Variants in C2orf42 observed in about 807,000 individuals in gnomAD.
C2orf42 encodes the protein uncharacterized protein C2orf42.
C2orf42 carries 44 observed loss-of-function variants against 58.9 expected under a neutral mutation model. The ratio of observed to expected loss-of-function variants is 0.75; its 90% CI spans 0.59 to 0.96. The LOEUF (loss-of-function observed/expected upper bound fraction) is 0.96. Among genes scored for constraint, C2orf42 ranks in the 40% least tolerant of loss-of-function variants. C2orf42 has a pLI of 0.00. For missense variants in C2orf42, 630 were observed against 699.2 expected (o/e 0.90, Z 1.12); for synonymous variants, 239 against 265.4 (o/e 0.90, Z 0.97).
At chr2:70,183,041 A>G (rs1276727550) in intron 1 of C2orf42, 106 bp from the exon 2 acceptor site, 1 of 152,218 alleles carries the variant, frequency 6.6e-6, no homozygotes, top group African/African-American at 2.4e-5. Context: ...ATTACTTGAG[A>G]AATATTTGAC....
intron 1 of C2orf42, among the ~76,000 whole-genome samples, chr2:70,189,439 C>G (rs560735842): frequency 7.1e-6 from 1 of 140,206 alleles, no homozygotes; most frequent in African/African-American, 2.9e-5. Context: ...AAAAATGGGC[C>G]GGGCGCGGTG....
chr2:70,158,684 G>A (rs1235867673), intron 9 of C2orf42, among the ~76,000 whole-genome samples: 5 of 151,582 alleles, frequency 3.3e-5, no homozygotes, highest in Non-Finnish European at 5.9e-5. Flanking sequence ...TCCTGACCTC[G>A]TGATCTGCCC....
chr2:70,178,056 C>T (rs566899324), intron 4 of C2orf42, among the ~76,000 whole-genome samples: 2 of 152,088 alleles, frequency 1.3e-5, no homozygotes, highest in East Asian at 3.9e-4. Context: ...AACAAACAAA[C>T]AAACAAACAA....
intron 9 of C2orf42, among the ~76,000 whole-genome samples, chr2:70,156,281 C>T (rs1395010977): frequency 6.6e-6 from 1 of 151,886 alleles, no homozygotes; most frequent in African/African-American, 2.4e-5. Context: ...AGAGGATAGA[C>T]CATTAAAATT....
At position 70,175,791 on chromosome 2, in the gene C2orf42, C is replaced by T. The variant is rs1558676915; in HGVS notation, c.935-14G>A. ...TCATCTGTGCACCTAAACCACAAATCATTACAGGTTTAACAATGTATCTGC... is the reference window on the plus strand; with the variant it reads ...TCATCTGTGCACCTAAACCACAAATTATTACAGGTTTAACAATGTATCTGC... On this transcript the variant is annotated splice_polypyrimidine_tract_variant and intron_variant, in intron 4 of 9. Coordinates refer to ENST00000264434, the MANE Select transcript of C2orf42 (RefSeq NM_017880.3). 1 of 1,455,044 alleles carries T rather than the reference C, an allele frequency of 6.9e-7. No individual in the cohort carries two copies. The highest frequency in any genetic ancestry group is 1.1e-5 in the South Asian group (1 of 87,710). 90.1% of individuals were successfully genotyped at this position (1,455,044 alleles called of 1,614,324 possible).
intron 5 of C2orf42, among the ~76,000 whole-genome samples, chr2:70,173,552 A>G (rs939374039): frequency 1.3e-5 from 2 of 152,162 alleles, no homozygotes; most frequent in African/African-American, 4.8e-5. Context: ...GAGTGCTGGG[A>G]TCACAGGCGT....
At chr2:70,166,503 TAAA>T (rs758706026) in intron 6 of C2orf42, among the ~76,000 whole-genome samples, 9 of 93,108 alleles carry the variant, frequency 9.7e-5, no homozygotes, top group Admixed American at 8.8e-4. Context: ...CCATCTCTAC[TAAA>T]AAAAAAAAAA....
intron 6 of C2orf42, among the ~76,000 whole-genome samples, chr2:70,168,486 C>T (rs1673562942): frequency 6.6e-6 from 1 of 150,860 alleles, no homozygotes; most frequent in South Asian, 2.1e-4. Context: ...GATGGGGTTT[C>T]ACTGTGTTAG....
chr2:70,175,685 A>G lies in C2orf42; in HGVS notation c.1027T>C (p.Leu343=), dbSNP rs966371076. 1.2e-6 allele frequency: 2 copies of G among 1,606,608 alleles called. No individual in the cohort carries two copies. Among genetic ancestry groups the G allele is most frequent in the African/African-American group, 2.7e-5 (2 of 74,760 alleles). ...GLKKPVVASS[L]KRQACGQLLD... ...AAGGGAAACTTACCCTGCCTTTTTA[A>G]CGAGGAAGCAACCACAGGCTTTTTC... Residue 343 remains leucine, a synonymous_variant, in exon 5 of 10, where the codon TTA becomes CTA. Coordinates refer to ENST00000264434, the MANE Select transcript of C2orf42 (RefSeq NM_017880.3).
At position 70,189,406 on chromosome 2, in the gene C2orf42, CA is replaced by C. The variant is rs1182514916; in HGVS notation, c.-282+1566del. ...GGGGAACAAGAGAGAAACTCCATCT[CA>C]AAAAAAAAAAAAAAAAAAAAAAAAA... is the stretch of plus-strand genomic sequence containing the variant. On this transcript the variant is annotated intron_variant, in intron 1 of 9. Transcript: ENST00000264434. 9.9e-3 allele frequency among the ~76,000 whole-genome samples: 269 copies of C among 27,124 alleles called. 1 individual carries two copies. Among genetic ancestry groups the C allele is most frequent in the Middle Eastern group, 0.071 (1 of 14 alleles). 17.8% of individuals were successfully genotyped at this position (27,124 alleles called of 152,430 possible). A position where few individuals can be genotyped will look rare whatever the true frequency, so the allele number is the denominator to read the frequency against.
In C2orf42 at chr2:70,165,129, T is replaced by C. The variant is rs1673312328; in HGVS notation, c.1316A>G (p.Asn439Ser). The change falls in exon 8 of 10, where the codon AAT (asparagine) becomes AGT (serine). Residue 439 changes from asparagine (N) to serine (S), a missense_variant. Transcript: ENST00000264434. ...TAAGATTTGTTTAACTTGCAGGATA[T>C]TAGTGATATGCCAAGTATACTTGGA... ...TFSKYTWHIT[N>S]ILQVKQILDT... The C allele has an allele frequency of 6.2e-7, 1 of 1,608,876 alleles. No individual in the cohort carries two copies. Among genetic ancestry groups the C allele is most frequent in the Non-Finnish European group, 8.5e-7 (1 of 1,176,096 alleles).
At chr2:70,162,485 TA>T (rs1366587715) in intron 8 of C2orf42, among the ~76,000 whole-genome samples, 1 of 151,738 alleles carries the variant, frequency 6.6e-6, no homozygotes, top group Non-Finnish European at 1.5e-5. Context: ...CTGTCTCTAC[TA>T]AAAATACAAA....
chr2:70,175,677 C>T lies in C2orf42; in HGVS notation c.1035G>A (p.Arg345=). ...TTCTAGGGAAGGGAAACTTACCCTG[C>T]CTTTTTAACGAGGAAGCAACCACAG... ...KKPVVASSLK[R]QACGQLLDEA... The change falls in exon 5 of 10, where the codon AGG becomes AGA. Residue 345 remains arginine, a synonymous_variant. Transcript: ENST00000264434. 6.3e-7 allele frequency: 1 copy of T among 1,598,776 alleles called. No individual in the cohort carries two copies. The highest frequency in any genetic ancestry group is 8.6e-7 in the Non-Finnish European group (1 of 1,166,126).
chr2:70,161,036 G>A (rs1483387135), intron 8 of C2orf42, among the ~76,000 whole-genome samples: 1 of 152,114 alleles, frequency 6.6e-6, no homozygotes, highest in East Asian at 1.9e-4. Context: ...TACCAATTGA[G>A]CCTCTAACAT....
At chr2:70,164,005 A>ATT (rs1558661940) in intron 8 of C2orf42, among the ~76,000 whole-genome samples, 2 of 149,606 alleles carry the variant, frequency 1.3e-5, no homozygotes, top group Admixed American at 7.0e-5. Context: ...CCCTATCTTA[A>ATT]ATTTTTTTTT....
intron 3 of C2orf42, among the ~76,000 whole-genome samples, chr2:70,180,052 G>A (rs376031013): frequency 1.3e-5 from 2 of 152,230 alleles, no homozygotes; most frequent in South Asian, 2.1e-4. Context: ...AGCACTCTGG[G>A]AGGCCGAGGC....
chr2:70,160,133 C>CT (rs558975955), intron 9 of C2orf42, among the ~76,000 whole-genome samples: 25,141 of 139,016 alleles, frequency 0.18, 2,806 homozygotes, highest in African/African-American at 0.33. Flanking sequence ...TTCAGCAAGT[C>CT]TTTTTTTTTT....
intron 8 of C2orf42, among the ~76,000 whole-genome samples, chr2:70,164,586 T>C (rs1011388344): frequency 1.8e-4 from 27 of 151,776 alleles, no homozygotes; most frequent in African/African-American, 6.5e-4. Context: ...GAGCCAAGAT[T>C]GCGCCACTGC....
At chr2:70,159,880 TTTAATA>T (rs1461766051) in intron 9 of C2orf42, among the ~76,000 whole-genome samples, 1 of 152,080 alleles carries the variant, frequency 6.6e-6, no homozygotes, top group South Asian at 2.1e-4. Flanking sequence ...AGGGTACCAA[TTTAATA>T]TTAAGTATAT....
Sources: gnomAD v4.1 joint callset for allele counts (sites outside exome capture counted in the v4.1 genomes callset) on GRCh38, gnomAD v4.1.1 for gene constraint, MANE v1.5 for transcripts, NCBI Gene and HGNC (gene_info 2026-07-23, HGNC 2026-07-21) for gene names.